FAM149B1: variants seen among roughly 807,000 people sequenced by gnomAD.
FAM149B1 encodes the protein primary cilium assembly protein FAM149B1.
A neutral mutation model predicts 75.3 loss-of-function variants in FAM149B1; 56 were observed. The observed-to-expected ratio is 0.74, with a 90% confidence interval of 0.60 to 0.93. FAM149B1 has a LOEUF of 0.93. Among genes scored for constraint, FAM149B1 ranks in the 40% least tolerant of loss-of-function variants. The pLI, the probability that FAM149B1 is intolerant of heterozygous loss-of-function variation, is 0.00. For synonymous variants in FAM149B1, 259 were observed against 256.1 expected (o/e 1.01, Z -0.11); for missense variants, 639 against 708.4 (o/e 0.90, Z 1.11).
At chr10:73,231,088 A>G (rs1161741862) in intron 9 of FAM149B1, 1 of 152,656 alleles carries the variant, frequency 6.6e-6, no homozygotes, top group Admixed American at 6.5e-5. Context: ...TGACTATGGA[A>G]CTAATGAATG....
intron 1 of FAM149B1, among the ~76,000 whole-genome samples, chr10:73,169,467 T>C (rs1843611389): frequency 6.6e-6 from 1 of 151,816 alleles, no homozygotes; most frequent in Admixed American, 6.5e-5. Context: ...CACTTTTTTT[T>C]TTTTTTTGGA....
intron 4 of FAM149B1, 78 bp downstream of exon 4, chr10:73,192,776 A>G: frequency 7.7e-7 from 1 of 1,295,442 alleles, no homozygotes. Flanking sequence ...AAAAGCTTGT[A>G]TTCTGAAATC....
At position 73,174,671 on chromosome 10, in the gene FAM149B1, G is replaced by A. The variant is rs1405568872; in HGVS notation, c.48-16G>A. On this transcript the variant is annotated splice_polypyrimidine_tract_variant and intron_variant, in intron 1 of 13. Coordinates refer to ENST00000242505, the MANE Select transcript of FAM149B1 (RefSeq NM_173348.2). ...TTTTTTATACAGGAAATATAACTTT[G>A]TTTTGTCTTTCACAGGAAAGGAATA... The A allele has an allele frequency of 5.3e-6, 8 of 1,507,604 alleles. No individual in the cohort carries two copies. The highest frequency in any genetic ancestry group is 7.2e-6 in the Non-Finnish European group (8 of 1,110,324). The allele number at this position is 1,507,604 out of a possible 1,614,324, so 93.4% of individuals were successfully genotyped here. A position where few individuals can be genotyped will look rare whatever the true frequency, so the allele number is the denominator to read the frequency against.
At chr10:73,196,849 G>C (rs2042815433) in intron 5 of FAM149B1, among the ~76,000 whole-genome samples, 1 of 152,128 alleles carries the variant, frequency 6.6e-6, no homozygotes, top group Non-Finnish European at 1.5e-5. Context: ...ATGAAACTAG[G>C]TATTTGGTTC....
intron 5 of FAM149B1, among the ~76,000 whole-genome samples, chr10:73,194,498 T>C (rs1291101222): frequency 2.6e-5 from 4 of 151,710 alleles, no homozygotes; most frequent in African/African-American, 9.7e-5. Context: ...GTTCAAGTGA[T>C]TCTTCTGCCT....
At chr10:73,179,764 T>C (rs2042352595) in intron 3 of FAM149B1, among the ~76,000 whole-genome samples, 1 of 152,126 alleles carries the variant, frequency 6.6e-6, no homozygotes, top group South Asian at 2.1e-4. Context: ...AATGTACATA[T>C]ACTTTCCTTA....
intron 3 of FAM149B1, among the ~76,000 whole-genome samples, chr10:73,186,137 G>A (rs1478000184): frequency 6.6e-6 from 1 of 151,792 alleles, no homozygotes; most frequent in East Asian, 1.9e-4. Context: ...TTCAACATTA[G>A]AAAAACAACT....
chr10:73,196,791 T>C (rs1483956454), intron 5 of FAM149B1, among the ~76,000 whole-genome samples: 1 of 152,166 alleles, frequency 6.6e-6, no homozygotes, highest in Non-Finnish European at 1.5e-5. Context: ...AGTCTCTCTC[T>C]CATTCATTAA....
At position 73,192,643 on chromosome 10, in the gene FAM149B1, A is replaced by T; in HGVS notation, c.370A>T (p.Thr124Ser). ...GTATGAGCAGAAGTTGAGTGTGCAT[A>T]CCAAGAGTCTACAAGAAGAGTGCCA... ...LLYEQKLSVH[T>S]KSLQEECQQW... The change falls in exon 4 of 14, where the codon ACC (threonine) becomes TCC (serine). Residue 124 changes from threonine (T) to serine (S), a missense_variant. Thr to Ser is a moderately conservative substitution (Grantham distance 58). Coordinates refer to ENST00000242505, the MANE Select transcript of FAM149B1 (RefSeq NM_173348.2). The T allele has an allele frequency of 1.3e-6, 2 of 1,551,550 alleles. No homozygotes were observed. Among genetic ancestry groups the T allele is most frequent in the Non-Finnish European group, 1.7e-6 (2 of 1,146,946 alleles).
chr10:73,173,116 C>A (rs1843786700), intron 1 of FAM149B1, among the ~76,000 whole-genome samples: 1 of 152,040 alleles, frequency 6.6e-6, no homozygotes, highest in South Asian at 2.1e-4. Flanking sequence ...AAGACCCCAT[C>A]TCAAAAAATA....
intron 5 of FAM149B1, among the ~76,000 whole-genome samples, chr10:73,203,110 T>C (rs903438279): frequency 5.3e-5 from 8 of 152,202 alleles, no homozygotes; most frequent in African/African-American, 1.9e-4. Flanking sequence ...CACGGTGTTT[T>C]TTCTGAAGTT....
At chr10:73,183,591 G>A (rs2042452537) in intron 3 of FAM149B1, 1 of 152,118 alleles carries the variant, frequency 6.6e-6, no homozygotes, top group African/African-American at 2.4e-5. Context: ...GAAAGACAAT[G>A]TAATAACAAA....
chr10:73,192,401 C>G, intron 3 of FAM149B1, 155 bp from the exon 4 acceptor site: 1 of 686,090 alleles, frequency 1.5e-6, no homozygotes. Flanking sequence ...GATCTGAAAA[C>G]TCACTAATTT....
chr10:73,229,059 G>A (rs1276378025), intron 8 of FAM149B1, among the ~76,000 whole-genome samples: 1 of 151,958 alleles, frequency 6.6e-6, no homozygotes, highest in East Asian at 1.9e-4. Context: ...TTGCCTTTTG[G>A]ATGTTTAGTA....
At chr10:73,239,653 T>C (rs1210884190) in intron 13 of FAM149B1, among the ~76,000 whole-genome samples, 1 of 125,568 alleles carries the variant, frequency 8.0e-6, no homozygotes. Context: ...GTAAACTGCC[T>C]TTTTTTTTTT....
chr10:73,234,487 T>C, intron 10 of FAM149B1: 1 of 272,652 alleles, frequency 3.7e-6, no homozygotes, highest in South Asian at 4.5e-5. Flanking sequence ...TGTCAAGAAT[T>C]CCATCATCAG....
intron 7 of FAM149B1, among the ~76,000 whole-genome samples, chr10:73,218,081 A>G (rs765897514): frequency 3.3e-5 from 5 of 152,192 alleles, no homozygotes; most frequent in Non-Finnish European, 5.9e-5. Flanking sequence ...TGACCCCAAC[A>G]CACCCAACAT....
chr10:73,225,379 C>T (rs2043516612), intron 7 of FAM149B1, among the ~76,000 whole-genome samples: 3 of 152,246 alleles, frequency 2.0e-5, no homozygotes, highest in African/African-American at 7.2e-5. Context: ...TGATGATCCT[C>T]ATCCTATGTA....
At position 73,243,808 on chromosome 10, in the gene FAM149B1, T is replaced by A. The variant is rs2043979016; in HGVS notation, c.*2789T>A. The stretch of plus-strand genomic sequence containing the variant: ...GAAAATATTAGCAGTAGGAATCAGA[T>A]CATTAAAGATGTGGCAACAAACTGC... On this transcript the variant is annotated 3_prime_UTR_variant, in exon 14 of 14. Transcript: ENST00000242505. The A allele has an allele frequency of 3.2e-6, 5 of 1,555,822 alleles. No homozygotes were observed. Among genetic ancestry groups the A allele is most frequent in the Non-Finnish European group, 3.5e-6 (4 of 1,133,012 alleles).
Sources: gnomAD v4.1 joint callset for allele counts (sites outside exome capture counted in the v4.1 genomes callset) on GRCh38, gnomAD v4.1.1 for gene constraint, MANE v1.5 for transcripts, NCBI Gene and HGNC (gene_info 2026-07-23, HGNC 2026-07-21) for gene names.